The following ADAMTSL1 variants were observed in gnomAD, a reference collection of about 807,000 sequenced individuals.
The protein encoded by ADAMTSL1 is ADAMTS-like protein 1.
A neutral mutation model predicts 201.8 loss-of-function variants in ADAMTSL1; 126 were observed. That is an observed-to-expected ratio of 0.62 (90% confidence interval 0.54 to 0.72). ADAMTSL1 has a LOEUF of 0.72. Among genes scored for constraint, ADAMTSL1 ranks in the 30% least tolerant of loss-of-function variants. ADAMTSL1 has a pLI of 0.00. For missense variants in ADAMTSL1, 2,679 were observed against 2,277.8 expected (o/e 1.18, Z -3.59); for synonymous variants, 1,121 against 903.4 (o/e 1.24, Z -4.32).
intron 4 of ADAMTSL1, among the ~76,000 whole-genome samples, chr9:18,583,186 A>G (rs1823228284): frequency 6.6e-6 from 1 of 152,224 alleles, no homozygotes; most frequent in African/African-American, 2.4e-5. Flanking sequence ...GGCAGGAGGA[A>G]AAAGTGGTTT....
At chr9:18,170,816 G>A (rs1190484316) in intron 2 of ADAMTSL1, among the ~76,000 whole-genome samples, 2 of 152,060 alleles carry the variant, frequency 1.3e-5, no homozygotes, top group Non-Finnish European at 2.9e-5. Context: ...TAGGAGAGCT[G>A]GGCATCTAAC....
chr9:18,578,364 A>G (rs1822873788), intron 4 of ADAMTSL1, among the ~76,000 whole-genome samples: 1 of 152,056 alleles, frequency 6.6e-6, no homozygotes, highest in Admixed American at 6.5e-5. Flanking sequence ...TGATTGTGTT[A>G]TCCCTCTTCA....
chr9:18,721,613 C>T lies in ADAMTSL1; in HGVS notation c.1954C>T (p.Arg652Cys), dbSNP rs750463200. Reference sequence around the variant, plus strand: ...TGAGGAGAACCTGTGCGTGACCAGCCGCCGGCCCCCACAGCTCCTGAAGTC... The same window carrying T: ...TGAGGAGAACCTGTGCGTGACCAGCTGCCGGCCCCCACAGCTCCTGAAGTC... ...PAEENLCVTS[R>C]RPPQLLKSCN... Residue 652 changes from arginine to cysteine, a missense_variant, in exon 15 of 29, where the codon CGC becomes TGC. Transcript: ENST00000380548. 5.0e-6 allele frequency: 8 copies of T among 1,613,952 alleles called. No homozygotes were observed. The highest frequency in any genetic ancestry group is 2.2e-5 in the South Asian group (2 of 91,080).
intron 14 of ADAMTSL1, among the ~76,000 whole-genome samples, chr9:18,717,496 T>TAA (rs1388102140): frequency 6.6e-6 from 1 of 152,072 alleles, no homozygotes. Context: ...TAAATTTCTT[T>TAA]AAAAAAATTA....
At chr9:18,183,040 A>G (rs767641621) in intron 2 of ADAMTSL1, among the ~76,000 whole-genome samples, 5 of 152,172 alleles carry the variant, frequency 3.3e-5, no homozygotes, top group Admixed American at 1.3e-4. Flanking sequence ...CCTATATGTT[A>G]TTGCCTGCCA....
intron 14 of ADAMTSL1, among the ~76,000 whole-genome samples, chr9:18,709,563 G>C (rs1356155419): frequency 6.6e-6 from 1 of 152,218 alleles, no homozygotes; most frequent in East Asian, 1.9e-4. Flanking sequence ...GTTGGTGGCT[G>C]TGTTTCCCTG....
At chr9:18,753,692 C>A (rs1163716989) in intron 16 of ADAMTSL1, among the ~76,000 whole-genome samples, 184 bp downstream of exon 16, 6 of 152,144 alleles carry the variant, frequency 3.9e-5, no homozygotes, top group Admixed American at 3.9e-4. Flanking sequence ...AAATATCATG[C>A]TTTTTCTACT....
chr9:18,754,702 T>TAAAC (rs1819646764), intron 16 of ADAMTSL1, among the ~76,000 whole-genome samples: 1 of 152,192 alleles, frequency 6.6e-6, no homozygotes. Context: ...CTTGGAGCTG[T>TAAAC]GGTTTAGTAA....
chr9:17,978,802 A>G lies in ADAMTSL1; in HGVS notation c.87+71880A>G, dbSNP rs181736449. ...TACCATCATATATTTTCTTGTTACTATTAGGGTCTTCACATTTCAGCTTGA... is the reference window on the plus strand; with the variant it reads ...TACCATCATATATTTTCTTGTTACTGTTAGGGTCTTCACATTTCAGCTTGA... On this transcript the variant is annotated intron_variant, in intron 1 of 29. Transcript: ENST00000680146. Among the ~76,000 whole-genome samples, 197 of 152,156 alleles carry G rather than the reference A, an allele frequency of 1.3e-3. 1 individual carries two copies. The highest frequency in any genetic ancestry group is 3.4e-3 in the Middle Eastern group (1 of 294).
chr9:18,203,270 T>G (rs566677403), intron 2 of ADAMTSL1, among the ~76,000 whole-genome samples: 1 of 152,200 alleles, frequency 6.6e-6, no homozygotes, highest in East Asian at 1.9e-4. Flanking sequence ...AGGGACTATA[T>G]TCACCGGCTG....
intron 1 of ADAMTSL1, among the ~76,000 whole-genome samples, chr9:18,104,033 G>T (rs888531194): frequency 6.6e-6 from 1 of 152,190 alleles, no homozygotes; most frequent in African/African-American, 2.4e-5. Flanking sequence ...ATGTGTGTGT[G>T]TGTGCACATA....
At chr9:18,227,187 C>T (rs1386648376) in intron 2 of ADAMTSL1, among the ~76,000 whole-genome samples, 1 of 152,150 alleles carries the variant, frequency 6.6e-6, no homozygotes. Context: ...TCTAATCCCT[C>T]ATCTGTACTA....
intron 2 of ADAMTSL1, among the ~76,000 whole-genome samples, chr9:18,386,460 T>G (rs577881764): frequency 6.6e-6 from 1 of 152,308 alleles, no homozygotes; most frequent in Admixed American, 6.5e-5. Flanking sequence ...CCCACAAATT[T>G]GCTATCAGAC....
At chr9:18,855,760 A>G (rs930434920) in intron 23 of ADAMTSL1, among the ~76,000 whole-genome samples, 5 of 152,120 alleles carry the variant, frequency 3.3e-5, no homozygotes, top group African/African-American at 9.7e-5. Context: ...CTCCCTGTAC[A>G]TTTTGTTTCC....
chr9:18,658,199 C>T (rs1475948390), intron 8 of ADAMTSL1, among the ~76,000 whole-genome samples: 3 of 152,158 alleles, frequency 2.0e-5, no homozygotes, highest in South Asian at 2.1e-4. Context: ...TAGTCTCGAT[C>T]TCCTGACCTC....
At chr9:18,689,676 A>G (rs1299328346) in intron 13 of ADAMTSL1, among the ~76,000 whole-genome samples, 1 of 152,226 alleles carries the variant, frequency 6.6e-6, no homozygotes, top group African/African-American at 2.4e-5. Flanking sequence ...CAGTTGCCGT[A>G]GTTCTTCAAT....
At chr9:18,776,032 G>A (rs1189058170) in intron 18 of ADAMTSL1, 136 bp downstream of exon 18, 4 of 1,193,708 alleles carry the variant, frequency 3.4e-6, no homozygotes, top group Middle Eastern at 2.4e-4. Flanking sequence ...AGGGCTGCAG[G>A]CAGGAGAGCT....
intron 1 of ADAMTSL1, among the ~76,000 whole-genome samples, chr9:18,489,729 A>G (rs984982119): frequency 7.2e-5 from 11 of 152,044 alleles, no homozygotes; most frequent in African/African-American, 1.4e-4. Context: ...ATTTGGTCAT[A>G]TTTCCCACTG....
chr9:18,764,731 T>C (rs1295117259), intron 16 of ADAMTSL1, among the ~76,000 whole-genome samples: 3 of 152,242 alleles, frequency 2.0e-5, no homozygotes, highest in South Asian at 4.1e-4. Flanking sequence ...TCCATGCAGA[T>C]CAAAGTGAAG....
Sources: allele counts gnomAD v4.1 joint callset (sites outside exome capture counted in the v4.1 genomes callset), GRCh38; gene constraint gnomAD v4.1.1; transcripts MANE v1.5; gene names NCBI Gene and HGNC (gene_info 2026-07-23, HGNC 2026-07-21).